Variants in DTD1 observed in about 807,000 individuals in gnomAD.
DTD1 encodes the protein D-tyrosyl-tRNA deacylase 1 homolog.
DTD1 carries 13 observed loss-of-function variants against 25.6 expected under a neutral mutation model. That is an observed-to-expected ratio of 0.51 (90% CI 0.33 to 0.81). The LOEUF (loss-of-function observed/expected upper bound fraction) is 0.81. DTD1 is among the 30% of genes least tolerant of loss of function. The pLI is 0.02. For synonymous variants in DTD1, 110 were observed against 103.6 expected (o/e 1.06, Z -0.37); for missense variants, 193 against 266.4 (o/e 0.72, Z 1.92).
intron 3 of DTD1, among the ~76,000 whole-genome samples, chr20:18,606,391 C>G (rs1600313027): frequency 7.3e-6 from 1 of 137,098 alleles, no homozygotes; most frequent in Non-Finnish European, 1.6e-5. Flanking sequence ...GGATCTAGAA[C>G]TAGAAATACC....
chr20:18,693,406 C>T (rs1302388402), intron 4 of DTD1, among the ~76,000 whole-genome samples: 1 of 151,972 alleles, frequency 6.6e-6, no homozygotes, highest in Non-Finnish European at 1.5e-5. Context: ...CCTGTAATCC[C>T]AGCACTTTGG....
chr20:18,693,671 A>AT (rs1423520790), intron 4 of DTD1, among the ~76,000 whole-genome samples: 4 of 151,662 alleles, frequency 2.6e-5, no homozygotes, highest in African/African-American at 9.7e-5. Flanking sequence ...AAAAAAAAAA[A>AT]AATTGTCTTC....
At chr20:18,666,787 G>C (rs1359190734) in intron 4 of DTD1, among the ~76,000 whole-genome samples, 1 of 151,916 alleles carries the variant, frequency 6.6e-6, no homozygotes, top group Non-Finnish European at 1.5e-5. Flanking sequence ...AGTTTTGTTT[G>C]CTTCAAAAAA....
chr20:18,714,736 A>G (rs913200174), intron 4 of DTD1, among the ~76,000 whole-genome samples: 4 of 151,842 alleles, frequency 2.6e-5, no homozygotes, highest in African/African-American at 9.7e-5. Context: ...GCAGGTAAGA[A>G]GATTAGTTTT....
intron 4 of DTD1, among the ~76,000 whole-genome samples, chr20:18,638,181 A>G (rs954453714): frequency 2.6e-4 from 2 of 7,554 alleles, no homozygotes; most frequent in African/African-American, 3.6e-4. Context: ...CCATCCATCC[A>G]TCCATCCATC....
At chr20:18,669,761 C>T (rs948615733) in intron 4 of DTD1, among the ~76,000 whole-genome samples, 2 of 152,008 alleles carry the variant, frequency 1.3e-5, no homozygotes, top group Non-Finnish European at 2.9e-5. Flanking sequence ...CAATCGCTCC[C>T]GGGGGGGTCT....
chr20:18,675,815 C>CATATATATGTAAATAT lies in DTD1; in HGVS notation c.477+47583_477+47584insTATATATGTAAATATA, dbSNP rs1568665457. Among the ~76,000 whole-genome samples the CATATATATGTAAATAT allele has an allele frequency of 1.3e-5, 2 of 150,868 alleles. 1 individual carries two copies. On this transcript the variant is annotated intron_variant, in intron 4 of 5. Coordinates refer to ENST00000377452, the MANE Select transcript of DTD1 (RefSeq NM_080820.6). The stretch of plus-strand genomic sequence containing the variant: ...AAATATACCTATGTGTATATTTACA[C>CATATATATGTAAATAT]ACATATATGTAAATATACCTATGTG...
At chr20:18,632,716 C>T (rs1600332943) in intron 4 of DTD1, 1 of 941,664 alleles carries the variant, frequency 1.1e-6, no homozygotes, top group African/African-American at 1.8e-5. Context: ...ATTCTTTTAG[C>T]AGGTTCTTTT....
intron 4 of DTD1, among the ~76,000 whole-genome samples, chr20:18,668,634 T>G (rs940268805): frequency 7.9e-5 from 12 of 152,284 alleles, no homozygotes; most frequent in Non-Finnish European, 1.5e-4. Context: ...GGATAGAGAC[T>G]GAGCCCCCGA....
intron 5 of DTD1, among the ~76,000 whole-genome samples, chr20:18,756,354 G>A (rs1258496934): frequency 2.0e-5 from 3 of 152,148 alleles, no homozygotes; most frequent in Non-Finnish European, 4.4e-5. Context: ...CCATGCCTAT[G>A]TCCTGAATTG....
At chr20:18,631,363 C>T (rs1014179509) in intron 4 of DTD1, 19 of 985,372 alleles carry the variant, frequency 1.9e-5, no homozygotes, top group South Asian at 4.7e-5. Flanking sequence ...TGTGACTGCT[C>T]GGCTGTGGGT....
intron 5 of DTD1, among the ~76,000 whole-genome samples, chr20:18,744,646 AAAC>A (rs1349826421): frequency 1.0e-5 from 1 of 97,598 alleles, no homozygotes. Context: ...CAAAAAAAAA[AAAC>A]AAAAAACAAG....
chr20:18,653,592 A>G (rs557153451), intron 4 of DTD1, among the ~76,000 whole-genome samples: 27 of 152,394 alleles, frequency 1.8e-4, no homozygotes, highest in African/African-American at 6.5e-4. Context: ...TGATCTAAAC[A>G]GACAAATAGC....
intron 3 of DTD1, among the ~76,000 whole-genome samples, chr20:18,626,544 A>G: frequency 6.6e-6 from 1 of 152,206 alleles, no homozygotes; most frequent in East Asian, 1.9e-4. Context: ...ATATCACCAT[A>G]GGAGCCCAGA....
rs182545808 is a variant in DTD1 at position 18,692,993 on chromosome 20, C to T, written c.478-51107C>T. 2.9e-4 allele frequency among the ~76,000 whole-genome samples: 42 copies of T among 146,802 alleles called. No homozygotes were observed. The East Asian group carries it at 8.4e-3, about 29-fold the overall frequency. On this transcript the variant is annotated intron_variant, in intron 4 of 5. Coordinates refer to ENST00000377452, the MANE Select transcript of DTD1 (RefSeq NM_080820.6). ...ACTCACTCCACCTCCTGGGTTCAAG[C>T]GATTCTCCTGCCTCAGCCTCCCGAG...
intron 4 of DTD1, among the ~76,000 whole-genome samples, chr20:18,701,545 G>A (rs117153411): frequency 1.2e-3 from 176 of 152,328 alleles, no homozygotes; most frequent in Middle Eastern, 3.4e-3. Context: ...GAATGCGGGT[G>A]GTGTGGAGGA....
At chr20:18,600,455 G>A (rs1394101344) in intron 3 of DTD1, among the ~76,000 whole-genome samples, 1 of 152,116 alleles carries the variant, frequency 6.6e-6, no homozygotes, top group South Asian at 2.1e-4. Context: ...TGTTCCATTG[G>A]TCTGTTTCTC....
At chr20:18,722,801 G>A (rs2061209466) in intron 4 of DTD1, among the ~76,000 whole-genome samples, 1 of 152,110 alleles carries the variant, frequency 6.6e-6, no homozygotes, top group Non-Finnish European at 1.5e-5. Context: ...ATGGCAGGCT[G>A]GTGCTTTGGA....
chr20:18,625,824 C>G (rs1259150422), intron 3 of DTD1, among the ~76,000 whole-genome samples: 1 of 152,194 alleles, frequency 6.6e-6, no homozygotes. Flanking sequence ...TCCTTGGTGG[C>G]AGATAACTGC....
Sources: gnomAD v4.1 joint callset for allele counts (sites outside exome capture counted in the v4.1 genomes callset) on GRCh38, gnomAD v4.1.1 for gene constraint, MANE v1.5 for transcripts, NCBI Gene and HGNC (gene_info 2026-07-23, HGNC 2026-07-21) for gene names.